WWOX: variants seen among roughly 807,000 people sequenced by gnomAD.
WWOX encodes the protein WW domain-containing oxidoreductase.
In WWOX, 69 loss-of-function variants were observed where a neutral mutation model predicts 46.2. That is an observed-to-expected ratio of 1.49 (90% CI 1.23 to 1.82). The LOEUF is 1.82. WWOX is among the 40% of genes most tolerant of loss of function. The pLI, the probability that WWOX is intolerant of heterozygous loss-of-function variation, is 0.00. For synonymous variants in WWOX, 359 were observed against 202.6 expected (o/e 1.77, Z -6.56); for missense variants, 919 against 542.6 (o/e 1.69, Z -6.89).
At chr16:78,695,128 A>T (rs2048071702) in intron 8 of WWOX, among the ~76,000 whole-genome samples, 1 of 152,180 alleles carries the variant, frequency 6.6e-6, no homozygotes, top group Non-Finnish European at 1.5e-5. Flanking sequence ...TACAGGCACA[A>T]AGGTTTCATA....
At chr16:79,050,782 G>C (rs751205076) in intron 8 of WWOX, among the ~76,000 whole-genome samples, 3 of 152,242 alleles carry the variant, frequency 2.0e-5, no homozygotes, top group Non-Finnish European at 4.4e-5. Flanking sequence ...GGTCGAACCT[G>C]TTGAAGGCCC....
At chr16:79,028,161 G>C (rs2047683032) in intron 8 of WWOX, among the ~76,000 whole-genome samples, 1 of 151,706 alleles carries the variant, frequency 6.6e-6, no homozygotes, top group African/African-American at 2.4e-5. Flanking sequence ...GTGTTACCCA[G>C]GATGGTCTCG....
intron 8 of WWOX, among the ~76,000 whole-genome samples, chr16:78,630,939 C>G (rs1353267001): frequency 6.6e-6 from 1 of 152,118 alleles, no homozygotes; most frequent in Non-Finnish European, 1.5e-5. Context: ...AGCATTCGAA[C>G]AAACGGAGGG....
intron 8 of WWOX, among the ~76,000 whole-genome samples, chr16:78,822,437 T>A (rs1291756117): frequency 1.3e-5 from 2 of 152,108 alleles, no homozygotes; most frequent in Non-Finnish European, 2.9e-5. Context: ...GGGGTTGCAG[T>A]CAGCTGAGAC....
At chr16:78,706,342 C>T (rs147091394) in intron 8 of WWOX, among the ~76,000 whole-genome samples, 42 of 152,168 alleles carry the variant, frequency 2.8e-4, no homozygotes, top group African/African-American at 9.9e-4. Flanking sequence ...GCTAAAGCAC[C>T]CTTGCCATCT....
At chr16:78,680,959 A>T (rs1008406199) in intron 8 of WWOX, among the ~76,000 whole-genome samples, 7 of 151,992 alleles carry the variant, frequency 4.6e-5, no homozygotes, top group African/African-American at 1.7e-4. Flanking sequence ...AAAAACTAAA[A>T]AAATTTAGGC....
chr16:78,965,400 C>T (rs1175951671), intron 8 of WWOX, among the ~76,000 whole-genome samples: 1 of 152,064 alleles, frequency 6.6e-6, no homozygotes, highest in Non-Finnish European at 1.5e-5. Flanking sequence ...GAAACCCCAT[C>T]TGTACTGTAA....
intron 8 of WWOX, among the ~76,000 whole-genome samples, chr16:78,857,631 C>A (rs578017654): frequency 2.2e-4 from 33 of 152,330 alleles, no homozygotes; most frequent in African/African-American, 7.2e-4. Context: ...CTAACATTGA[C>A]TATCTTGTCA....
chr16:79,211,529 T>A (rs1567624637), intron 8 of WWOX, 79 bp from the exon 9 acceptor site: 14 of 1,592,730 alleles, frequency 8.8e-6, no homozygotes, highest in Non-Finnish European at 1.2e-5. Flanking sequence ...GGCCTGCTAA[T>A]GCCCAGGCAG....
chr16:78,802,995 A>G (rs760622367), intron 8 of WWOX, among the ~76,000 whole-genome samples: 7 of 147,616 alleles, frequency 4.7e-5, no homozygotes, highest in East Asian at 2.0e-4. Context: ...AATGATTTTC[A>G]TCACCAGGCC....
chr16:79,113,627 G>A (rs1363100694), intron 8 of WWOX, among the ~76,000 whole-genome samples: 1 of 152,236 alleles, frequency 6.6e-6, no homozygotes, highest in Non-Finnish European at 1.5e-5. Flanking sequence ...GCAGTTGGCT[G>A]GAGAAGGAAG....
At chr16:78,181,966 T>C (rs545738209) in intron 5 of WWOX, among the ~76,000 whole-genome samples, 2 of 152,176 alleles carry the variant, frequency 1.3e-5, no homozygotes, top group Non-Finnish European at 2.9e-5. Flanking sequence ...GCGAGTTCCT[T>C]TTCCGCACCA....
intron 8 of WWOX, among the ~76,000 whole-genome samples, chr16:78,889,349 C>G (rs894524992): frequency 4.0e-5 from 4 of 100,614 alleles, no homozygotes; most frequent in African/African-American, 1.2e-4. Context: ...GTCCCTCCCC[C>G]ACCCCCCGCC....
At chr16:78,641,576 TAGAA>T (rs1567457442) in intron 8 of WWOX, among the ~76,000 whole-genome samples, 1 of 151,904 alleles carries the variant, frequency 6.6e-6, no homozygotes, top group Non-Finnish European at 1.5e-5. Flanking sequence ...CCTAAATAGG[TAGAA>T]GGAAGGGAAA....
intron 8 of WWOX, among the ~76,000 whole-genome samples, chr16:79,167,013 T>C (rs985625810): frequency 6.6e-6 from 1 of 152,120 alleles, no homozygotes; most frequent in Non-Finnish European, 1.5e-5. Context: ...TGATCTCTAC[T>C]CTCTGCAACC....
At chr16:78,142,792 T>C (rs1332950356) in intron 4 of WWOX, among the ~76,000 whole-genome samples, 2 of 151,786 alleles carry the variant, frequency 1.3e-5, no homozygotes, top group Admixed American at 6.5e-5. Context: ...TTAAACAAGA[T>C]AGAGTTTTTG....
intron 8 of WWOX, among the ~76,000 whole-genome samples, chr16:78,931,103 G>C (rs956686885): frequency 6.6e-6 from 1 of 152,158 alleles, no homozygotes; most frequent in Non-Finnish European, 1.5e-5. Flanking sequence ...GAATTTAATA[G>C]ATTTTAGTGA....
chr16:78,672,177 T>C (rs939438868), intron 8 of WWOX, among the ~76,000 whole-genome samples: 9 of 152,176 alleles, frequency 5.9e-5, no homozygotes, highest in African/African-American at 1.9e-4. Context: ...TTTAATTAAA[T>C]CCATGACCAG....
intron 5 of WWOX, among the ~76,000 whole-genome samples, chr16:78,290,879 T>G (rs770821101): frequency 2.8e-4 from 43 of 152,200 alleles, no homozygotes; most frequent in Middle Eastern, 3.2e-3. Flanking sequence ...ATGAGAAGGC[T>G]TATATTATTT....
Sources: allele counts gnomAD v4.1 joint callset (sites outside exome capture counted in the v4.1 genomes callset), GRCh38; gene constraint gnomAD v4.1.1; transcripts MANE v1.5; gene names NCBI Gene and HGNC (gene_info 2026-07-23, HGNC 2026-07-21).